BPTF: variants seen among roughly 807,000 people sequenced by gnomAD.
The protein encoded by BPTF is bromodomain PHD finger transcription factor, also known as nucleosome-remodeling factor subunit BPTF.
Under a neutral mutation model 292.5 loss-of-function variants are expected in BPTF, and 18 were observed. That is an observed-to-expected ratio of 0.06 (90% confidence interval 0.04 to 0.09). BPTF has a LOEUF of 0.09. Among genes scored for constraint, BPTF ranks in the 10% least tolerant of loss-of-function variants. The pLI, the probability that BPTF is intolerant of heterozygous loss-of-function variation, is 1.00. For synonymous variants in BPTF, 1,225 were observed against 1,251.9 expected (o/e 0.98, Z 0.45); for missense variants, 2,726 against 3,498.7 (o/e 0.78, Z 5.57).
chr17:67,950,606 G>A (rs185577300), intron 23 of BPTF, among the ~76,000 whole-genome samples: 75 of 152,184 alleles, frequency 4.9e-4, no homozygotes, highest in African/African-American at 1.8e-3. Flanking sequence ...GGGAGGCTGA[G>A]GCGAGCGGAT....
At chr17:67,881,016 T>C (rs1298490753) in intron 4 of BPTF, among the ~76,000 whole-genome samples, 1 of 151,922 alleles carries the variant, frequency 6.6e-6, no homozygotes, top group Non-Finnish European at 1.5e-5. Context: ...CAGGCTTTAC[T>C]TTGAAATAAA....
At position 67,938,599 on chromosome 17, in the gene BPTF, A is replaced by G. The variant is rs180958154; in HGVS notation, c.6260-1840A>G. On this transcript the variant is annotated intron_variant, in intron 18 of 27. Transcript: ENST00000306378. ...GTGTCATTTTGCATCAGTAAATGATACTGGAATAATTGGCTTATAGTTTGG... is the reference window on the plus strand; with the variant it reads ...GTGTCATTTTGCATCAGTAAATGATGCTGGAATAATTGGCTTATAGTTTGG... Among the ~76,000 whole-genome samples the G allele has an allele frequency of 3.1e-4, 47 of 152,300 alleles. 1 individual carries two copies. The highest frequency in any genetic ancestry group is 9.6e-4 in the African/African-American group (40 of 41,574).
At chr17:67,971,802 T>A (rs1307750038) in intron 26 of BPTF, among the ~76,000 whole-genome samples, 2 of 131,728 alleles carry the variant, frequency 1.5e-5, no homozygotes, top group Non-Finnish European at 3.1e-5. Context: ...CACTTCAGCC[T>A]GGGCAATAGA....
intron 3 of BPTF, among the ~76,000 whole-genome samples, chr17:67,871,026 C>T (rs1249514921): frequency 6.6e-6 from 1 of 151,980 alleles, no homozygotes; most frequent in Non-Finnish European, 1.5e-5. Context: ...CCGCCTCGGC[C>T]TCCCAAAGTG....
chr17:67,847,830 C>T (rs2058139533), intron 1 of BPTF, among the ~76,000 whole-genome samples: 1 of 152,064 alleles, frequency 6.6e-6, no homozygotes, highest in Non-Finnish European at 1.5e-5. Flanking sequence ...TAGATTGGGA[C>T]ACTATTCCAC....
chr17:67,959,658 G>C lies in BPTF; in HGVS notation c.8044G>C (p.Ala2682Pro), dbSNP rs1568184611. 7 of 1,595,086 alleles carry C rather than the reference G, an allele frequency of 4.4e-6. No homozygotes were observed. Among genetic ancestry groups the C allele is most frequent in the South Asian group, 3.4e-5 (3 of 88,788 alleles). The change falls in exon 24 of 28, where the codon GCC (alanine) becomes CCC (proline). Residue 2682 changes from alanine to proline, a missense_variant. By Grantham distance (27) the Ala-to-Pro change is conservative. Coordinates refer to ENST00000306378, the MANE Select transcript of BPTF (RefSeq NM_182641.4). ...PVTPAPPAPP[A>P]PPPSPPPPPA... Reference sequence around the variant, plus strand: ...GACACCAGCTCCTCCAGCCCCTCCAGCCCCTCCACCTTCACCTCCCCCTCC... The same window carrying C: ...GACACCAGCTCCTCCAGCCCCTCCACCCCCTCCACCTTCACCTCCCCCTCC...
intron 4 of BPTF, among the ~76,000 whole-genome samples, chr17:67,887,527 G>A: frequency 6.6e-6 from 1 of 152,042 alleles, no homozygotes; most frequent in Non-Finnish European, 1.5e-5. Context: ...ATGTTTTATA[G>A]TAATTCTTTA....
At chr17:67,966,330 T>C in intron 25 of BPTF, 2 of 401,598 alleles carry the variant, frequency 5.0e-6, no homozygotes, top group South Asian at 5.7e-5. Context: ...ACTGATTTTG[T>C]GACTTCTAAG....
At position 67,843,355 on chromosome 17, in the gene BPTF, TG is replaced by T. The variant is rs1229223390; in HGVS notation, c.614-10583del. 4.6e-5 allele frequency among the ~76,000 whole-genome samples: 7 copies of T among 150,606 alleles called. No individual in the cohort carries two copies. In the East Asian group the frequency reaches 1.4e-3, roughly 29 times the overall value. On this transcript the variant is annotated intron_variant, in intron 1 of 27. Transcript: ENST00000306378. The stretch of plus-strand genomic sequence containing the variant: ...CTTTATTGCCCAGGCTGGAGTGCAG[TG>T]GTGTGATGTCGGCTCATTTTTGTAT...
chr17:67,958,929 T>C (rs1453172904), intron 23 of BPTF, among the ~76,000 whole-genome samples: 1 of 152,070 alleles, frequency 6.6e-6, no homozygotes, highest in Non-Finnish European at 1.5e-5. Flanking sequence ...ATTGCACCAT[T>C]GACAAGAGCG....
chr17:67,887,567 A>G (rs529900915), intron 4 of BPTF, among the ~76,000 whole-genome samples: 3 of 152,308 alleles, frequency 2.0e-5, no homozygotes, highest in Admixed American at 6.5e-5. Flanking sequence ...TTTTCAACCT[A>G]TCTGAAGTAA....
chr17:67,958,675 G>A (rs553426353), intron 23 of BPTF, among the ~76,000 whole-genome samples: 3 of 152,122 alleles, frequency 2.0e-5, no homozygotes, highest in East Asian at 1.9e-4. Context: ...AGGTTGGAGT[G>A]CGCTGAGATT....
rs1212090827 is a variant in BPTF at position 67,982,725 on chromosome 17, T to C, written c.*437T>C. ...ACGCTTTTTTATTGCTGCCCTCATTTGTCAGCTAATTATTTTTTCTTATAA... is the reference window on the plus strand; with the variant it reads ...ACGCTTTTTTATTGCTGCCCTCATTCGTCAGCTAATTATTTTTTCTTATAA... On this transcript the variant is annotated 3_prime_UTR_variant, in exon 28 of 28. Coordinates refer to ENST00000306378, the MANE Select transcript of BPTF (RefSeq NM_182641.4). 1 of 154,286 alleles carries C rather than the reference T, an allele frequency of 6.5e-6. No homozygotes were observed. Among genetic ancestry groups the C allele is most frequent in the African/African-American group, 2.4e-5 (1 of 41,524 alleles). 9.6% of individuals were successfully genotyped at this position (154,286 alleles called of 1,614,324 possible).
chr17:67,890,324 G>A (rs1055714978), intron 4 of BPTF, among the ~76,000 whole-genome samples: 5 of 152,146 alleles, frequency 3.3e-5, no homozygotes, highest in Admixed American at 6.5e-5. Flanking sequence ...TGATTTTGCC[G>A]TTTCATATTT....
intron 2 of BPTF, 34 bp from the exon 3 acceptor site, chr17:67,866,430 A>G (rs1217994114): frequency 1.3e-6 from 2 of 1,484,926 alleles, no homozygotes; most frequent in Non-Finnish European, 1.9e-6. Context: ...CATTATGTCT[A>G]ACATATAAAG....
chr17:67,924,212 C>T (rs2063679454), intron 14 of BPTF, among the ~76,000 whole-genome samples: 1 of 152,168 alleles, frequency 6.6e-6, no homozygotes, highest in Non-Finnish European at 1.5e-5. Context: ...GCCTCGGCCT[C>T]CCAAAATGAT....
At chr17:67,963,518 T>C in intron 24 of BPTF, 5 of 1,464,462 alleles carry the variant, frequency 3.4e-6, no homozygotes, top group Non-Finnish European at 4.5e-6. Context: ...TGAGTTCTGA[T>C]AAGAGCATCA....
At chr17:67,913,518 A>G (rs1243312796) in intron 11 of BPTF, among the ~76,000 whole-genome samples, 2 of 152,194 alleles carry the variant, frequency 1.3e-5, no homozygotes, top group Non-Finnish European at 1.5e-5. Flanking sequence ...TGGGAACAAG[A>G]TAACCACCAA....
At chr17:67,848,200 T>G (rs1323259425) in intron 1 of BPTF, among the ~76,000 whole-genome samples, 1 of 151,962 alleles carries the variant, frequency 6.6e-6, no homozygotes, top group African/African-American at 2.4e-5. Context: ...GTACAATAAA[T>G]GTAGGGGTCA....
Sources: allele counts gnomAD v4.1 joint callset (sites outside exome capture counted in the v4.1 genomes callset), GRCh38; gene constraint gnomAD v4.1.1; transcripts MANE v1.5; gene names NCBI Gene and HGNC (gene_info 2026-07-23, HGNC 2026-07-21).